Variants in INPP4B observed in about 807,000 individuals in gnomAD.
The protein encoded by INPP4B is inositol polyphosphate-4-phosphatase type II B, also known as inositol polyphosphate 4-phosphatase type II.
In INPP4B, 55 loss-of-function variants were observed where a neutral mutation model predicts 122.5. That is an observed-to-expected ratio of 0.45 (90% confidence interval 0.36 to 0.56). INPP4B has a LOEUF of 0.56. INPP4B is among the 20% of genes least tolerant of loss of function. The pLI is 0.00. For missense variants in INPP4B, 1,000 were observed against 1,097.7 expected, an observed-to-expected ratio of 0.91 and a Z score of 1.26; for synonymous variants, 403 against 388.7, an observed-to-expected ratio of 1.04 and a Z score of -0.43.
At chr4:142,176,170 G>C (rs1828156841) in intron 15 of INPP4B, among the ~76,000 whole-genome samples, 1 of 111,136 alleles carries the variant, frequency 9.0e-6, no homozygotes, top group African/African-American at 2.9e-5. Context: ...TAAGTTCTAG[G>C]GTACATGTGC....
chr4:142,316,572 G>A (rs1430288715), intron 7 of INPP4B, among the ~76,000 whole-genome samples: 1 of 151,924 alleles, frequency 6.6e-6, no homozygotes. Context: ...GCACATATGT[G>A]TACTATTATA....
intron 1 of INPP4B, among the ~76,000 whole-genome samples, chr4:142,806,278 CAAAAAAAAAAAAA>C (rs1175185594): frequency 1.1e-4 from 6 of 53,598 alleles, no homozygotes; most frequent in East Asian, 7.8e-4. Flanking sequence ...GACTCCGTCT[CAAAAAAAAAAAAA>C]AAAAAAAAAA....
chr4:142,639,956 A>G (rs1750019695), intron 2 of INPP4B, among the ~76,000 whole-genome samples: 1 of 152,140 alleles, frequency 6.6e-6, no homozygotes, highest in Non-Finnish European at 1.5e-5. Flanking sequence ...CTACTTCTAG[A>G]TGTGACCATG....
At chr4:142,688,795 T>C (rs374500492) in intron 2 of INPP4B, among the ~76,000 whole-genome samples, 42 of 152,294 alleles carry the variant, frequency 2.8e-4, no homozygotes, top group East Asian at 2.1e-3. Flanking sequence ...GGCTGCAAGA[T>C]TCTGAACCTC....
intron 8 of INPP4B, among the ~76,000 whole-genome samples, chr4:142,307,238 T>C (rs1362811086): frequency 6.6e-6 from 1 of 152,160 alleles, no homozygotes; most frequent in Non-Finnish European, 1.5e-5. Flanking sequence ...AAAGTATTTA[T>C]GTCACCTCAC....
At chr4:142,799,591 A>C (rs977245787) in intron 1 of INPP4B, among the ~76,000 whole-genome samples, 9 of 152,010 alleles carry the variant, frequency 5.9e-5, no homozygotes, top group Admixed American at 1.3e-4. Flanking sequence ...ATAAAAATGT[A>C]GAAAATTCAA....
At chr4:142,699,788 A>G (rs939056945) in intron 2 of INPP4B, among the ~76,000 whole-genome samples, 9 of 152,184 alleles carry the variant, frequency 5.9e-5, no homozygotes, top group Non-Finnish European at 1.3e-4. Flanking sequence ...GACCCTTTTA[A>G]CAACCTCATC....
intron 2 of INPP4B, among the ~76,000 whole-genome samples, chr4:142,502,639 C>A (rs1489540073): frequency 1.3e-5 from 2 of 151,978 alleles, no homozygotes; most frequent in African/African-American, 4.8e-5. Context: ...CAGGTGGGCG[C>A]CCGGCTAATT....
At chr4:142,586,682 T>A (rs139819227) in intron 2 of INPP4B, among the ~76,000 whole-genome samples, 65 of 152,266 alleles carry the variant, frequency 4.3e-4, no homozygotes, top group African/African-American at 1.4e-3. Flanking sequence ...AGTTTCAGTA[T>A]TTTTAAGTTA....
intron 2 of INPP4B, among the ~76,000 whole-genome samples, chr4:142,590,070 T>C (rs1303170893): frequency 3.3e-5 from 5 of 151,910 alleles, no homozygotes; most frequent in Non-Finnish European, 7.4e-5. Context: ...ACAATAAATA[T>C]AGCAAAATGA....
chr4:142,325,267 G>T (rs1008416714), intron 7 of INPP4B, among the ~76,000 whole-genome samples: 3 of 152,158 alleles, frequency 2.0e-5, no homozygotes, highest in Non-Finnish European at 1.5e-5. Flanking sequence ...CAAACATGCG[G>T]TCAAGGGATG....
At chr4:142,398,390 AAAAAAAAAAAAATATATATATATATAT>A (rs1269183093) in intron 7 of INPP4B, among the ~76,000 whole-genome samples, 1,050 of 70,624 alleles carry the variant, frequency 0.015, 54 homozygotes, top group South Asian at 0.071. Flanking sequence ...AAAAAAAAAA[AAAAAAAAAAAAATATATATATATATAT>A]ATATATATAT....
chr4:142,172,212 C>T (rs541080894), intron 16 of INPP4B, among the ~76,000 whole-genome samples: 5 of 151,988 alleles, frequency 3.3e-5, no homozygotes, highest in Admixed American at 3.3e-4. Context: ...ACGGAGGGCG[C>T]TAAAAAGAAC....
chr4:142,334,663 T>G (rs1401557190), intron 7 of INPP4B, among the ~76,000 whole-genome samples: 3 of 152,196 alleles, frequency 2.0e-5, no homozygotes, highest in Non-Finnish European at 4.4e-5. Flanking sequence ...TGTGAGGTAA[T>G]ATCTCATTGT....
intron 2 of INPP4B, among the ~76,000 whole-genome samples, chr4:142,653,873 T>C (rs11100752): frequency 0.65 from 99,553 of 152,012 alleles, 33,763 homozygotes; most frequent in East Asian, 0.81. Context: ...TTCCTGGGTA[T>C]ATACCCAAAG....
chr4:142,223,777 A>T (rs908306661), intron 12 of INPP4B, among the ~76,000 whole-genome samples: 1 of 152,236 alleles, frequency 6.6e-6, no homozygotes, highest in Non-Finnish European at 1.5e-5. Flanking sequence ...AAGAATGAAC[A>T]GAAGAAATAA....
rs570908761 is a variant in INPP4B at position 142,748,393 on chromosome 4, G to C, written c.-253-22492C>G. On this transcript the variant is annotated intron_variant, in intron 1 of 25. Coordinates refer to ENST00000262992, the MANE Select transcript of INPP4B (RefSeq NM_001101669.3). Reference sequence around the variant, plus strand: ...AAAAGTAATATCAAAAATCAGAACAGAAGCCAAAGAATTAAATAGACAAAT... The same window carrying C: ...AAAAGTAATATCAAAAATCAGAACACAAGCCAAAGAATTAAATAGACAAAT... 1.1e-4 allele frequency among the ~76,000 whole-genome samples: 16 copies of C among 151,888 alleles called. No individual in the cohort carries two copies. In the South Asian group the frequency reaches 3.3e-3, roughly 32 times the overall value.
chr4:142,790,785 C>CT (rs1339255700), intron 1 of INPP4B, among the ~76,000 whole-genome samples: 1 of 151,814 alleles, frequency 6.6e-6, no homozygotes, highest in Admixed American at 6.6e-5. Context: ...AATTGAGGTC[C>CT]TTTTTTTCTT....
intron 2 of INPP4B, among the ~76,000 whole-genome samples, chr4:142,669,010 T>A (rs529379707): frequency 6.6e-6 from 1 of 152,090 alleles, no homozygotes. Flanking sequence ...GAGCGGAGAT[T>A]GCGCCACTGT....
Sources: gnomAD v4.1 joint callset for allele counts (sites outside exome capture counted in the v4.1 genomes callset) on GRCh38, gnomAD v4.1.1 for gene constraint, MANE v1.5 for transcripts, NCBI Gene and HGNC (gene_info 2026-07-23, HGNC 2026-07-21) for gene names.